Variants in NOS2 observed in about 807,000 individuals in gnomAD.
NOS2 encodes nitric oxide synthase, inducible.
NOS2 carries 96 observed loss-of-function variants against 136.0 expected under a neutral mutation model. The observed-to-expected ratio is 0.71, with a 90% CI of 0.60 to 0.84. NOS2 has a LOEUF of 0.84. NOS2 is among the 40% of genes least tolerant of loss of function. NOS2 has a pLI of 0.00. For missense variants in NOS2, 1,237 were observed against 1,496.9 expected, an observed-to-expected ratio of 0.83 and a Z score of 2.87; for synonymous variants, 539 against 587.5, an observed-to-expected ratio of 0.92 and a Z score of 1.20.
At chr17:27,780,704 T>A (rs534896152) in intron 9 of NOS2, 63 bp downstream of exon 9, 1 of 1,611,358 alleles carries the variant, frequency 6.2e-7, no homozygotes. Context: ...GGAGCCGCAC[T>A]TAGGAAAGGA....
At position 27,781,014 on chromosome 17, in the gene NOS2, T is replaced by C. The variant is rs2297520; in HGVS notation, c.864+22A>G. 0.61 allele frequency: 986,652 copies of C among 1,608,076 alleles called. 306,360 individuals are homozygous for C. The highest frequency in any genetic ancestry group is 0.81 in the African/African-American group (60,694 of 74,972). ...CGGGGCTCCCCGCCCCAATGGCCGGTGGCTGAGGCTGGGCCGGGTACCTGA... is the reference window on the plus strand; with the variant it reads ...CGGGGCTCCCCGCCCCAATGGCCGGCGGCTGAGGCTGGGCCGGGTACCTGA... On this transcript the variant is annotated intron_variant, in intron 8 of 26. Coordinates refer to ENST00000313735, the MANE Select transcript of NOS2 (RefSeq NM_000625.4).
intron 9 of NOS2, among the ~76,000 whole-genome samples, chr17:27,780,279 A>C (rs545660270): frequency 6.6e-6 from 1 of 152,386 alleles, no homozygotes; most frequent in East Asian, 1.9e-4. Context: ...AGAAGAGCCC[A>C]GCCCAATGTC....
At chr17:27,781,386 C>T (rs573749933) in intron 7 of NOS2, among the ~76,000 whole-genome samples, 23 of 152,314 alleles carry the variant, frequency 1.5e-4, no homozygotes, top group African/African-American at 5.3e-4. Context: ...ATCCATCAGG[C>T]AGGGTTAGCT....
At chr17:27,761,310 G>A (rs553421649) in intron 22 of NOS2, 79 bp from the exon 23 acceptor site, 5 of 997,644 alleles carry the variant, frequency 5.0e-6, no homozygotes, top group African/African-American at 4.3e-5. Context: ...CCCACACCAC[G>A]GCCCTCCTTG....
intron 5 of NOS2, among the ~76,000 whole-genome samples, chr17:27,784,559 A>G (rs1908960451): frequency 6.6e-6 from 1 of 152,220 alleles, no homozygotes; most frequent in South Asian, 2.1e-4. Flanking sequence ...GTGCATATGC[A>G]AGAAAGGATT....
chr17:27,790,231 C>A (rs1909148223), intron 2 of NOS2, among the ~76,000 whole-genome samples: 1 of 152,180 alleles, frequency 6.6e-6, no homozygotes, highest in Non-Finnish European at 1.5e-5. Context: ...GTAGCTGGGA[C>A]TACAGGCGCA....
chr17:27,758,671 C>T (rs1280804468), intron 26 of NOS2, among the ~76,000 whole-genome samples: 6 of 152,166 alleles, frequency 3.9e-5, no homozygotes, highest in East Asian at 1.9e-4. Context: ...CACATTCACC[C>T]GACTTCTCAA....
intron 11 of NOS2, among the ~76,000 whole-genome samples, chr17:27,775,608 A>C (rs1030332225): frequency 6.6e-6 from 1 of 152,130 alleles, no homozygotes; most frequent in Non-Finnish European, 1.5e-5. Context: ...TCTTAAAAAA[A>C]ACAAAAACAA....
chr17:27,779,391 T>C (rs1429844165), intron 9 of NOS2, among the ~76,000 whole-genome samples: 1 of 151,770 alleles, frequency 6.6e-6, no homozygotes, highest in Non-Finnish European at 1.5e-5. Flanking sequence ...GTAATCCTCC[T>C]GCCTCAGCCT....
chr17:27,773,040 C>CA (rs1179575347), intron 13 of NOS2, 121 bp downstream of exon 13: 6 of 856,484 alleles, frequency 7.0e-6, no homozygotes, highest in Non-Finnish European at 1.2e-5. Context: ...GTCTCAAAAA[C>CA]AAAAGCAAAA....
intron 18 of NOS2, 22 bp downstream of exon 18, chr17:27,767,683 T>C (rs758606409): frequency 1.9e-6 from 3 of 1,612,264 alleles, no homozygotes; most frequent in Non-Finnish European, 2.5e-6. Context: ...ACAAGCCCCA[T>C]GTGCTGCAGA....
intron 14 of NOS2, among the ~76,000 whole-genome samples, chr17:27,771,879 A>G (rs28999408): frequency 0.019 from 2,851 of 152,312 alleles, 90 homozygotes; most frequent in African/African-American, 0.064. Flanking sequence ...ACCATTCCCT[A>G]AGAGTTGGAT....
At chr17:27,781,001 C>T (rs1020969006) in intron 8 of NOS2, 35 bp downstream of exon 8, 1 of 1,606,720 alleles carries the variant, frequency 6.2e-7, no homozygotes. Flanking sequence ...GGGCTCCCCG[C>T]CCCAATGGCC....
chr17:27,779,085 G>A, intron 9 of NOS2, 29 bp from the exon 10 acceptor site: 1 of 1,384,992 alleles, frequency 7.2e-7, no homozygotes, highest in South Asian at 2.1e-5. Flanking sequence ...CAATTTAACT[G>A]GGGCCTTCCT....
Position 27,772,331 on chromosome 17 carries a change from A to AT in NOS2, c.1680dup (p.Phe561IlefsTer14). 6.2e-7 allele frequency: 1 copy of AT among 1,614,162 alleles called. No homozygotes were observed. Among genetic ancestry groups the AT allele is most frequent in the Non-Finnish European group, 8.5e-7 (1 of 1,180,032 alleles). On this transcript the variant is annotated frameshift_variant, in exon 14 of 27. Coordinates refer to ENST00000313735, the MANE Select transcript of NOS2 (RefSeq NM_000625.4). LOFTEE classifies it high-confidence loss of function. ...ACCTTGGGGTTGAAGGCACAGCTGA[A>AT]TAAGGCCCCCAGGTCCCAGGCCAGC... is the stretch of plus-strand genomic sequence containing the variant.
At position 27,756,860 on chromosome 17, in the gene NOS2, GTT is replaced by G. The variant is rs1907940883; in HGVS notation, c.*384_*385del. ...GCCATGGGGAACAGACTGGGTGTTAGTTTTTTAAATACAGAGGCATAAATAAC... is the reference window on the plus strand; with the variant it reads ...GCCATGGGGAACAGACTGGGTGTTAGTTTTAAATACAGAGGCATAAATAAC... On this transcript the variant is annotated 3_prime_UTR_variant, in exon 27 of 27. Coordinates refer to ENST00000313735, the MANE Select transcript of NOS2 (RefSeq NM_000625.4). The G allele has an allele frequency of 5.3e-6, 1 of 188,692 alleles. No individual in the cohort carries two copies. The highest frequency in any genetic ancestry group is 1.1e-5 in the Non-Finnish European group (1 of 92,920). The allele number at this position is 188,692 out of a possible 1,614,324, so 11.7% of individuals were successfully genotyped here. A position where few individuals can be genotyped will look rare whatever the true frequency, so the allele number is the denominator to read the frequency against.
chr17:27,763,165 A>AT (rs1455983561), intron 21 of NOS2, among the ~76,000 whole-genome samples, 160 bp from the exon 22 acceptor site: 4 of 152,214 alleles, frequency 2.6e-5, no homozygotes, highest in African/African-American at 9.7e-5. Flanking sequence ...TTGAGACAAA[A>AT]TAAGTGCCTG....
At chr17:27,765,896 G>A (rs1908285729) in intron 19 of NOS2, among the ~76,000 whole-genome samples, 180 bp from the exon 20 acceptor site, 1 of 152,194 alleles carries the variant, frequency 6.6e-6, no homozygotes, top group Non-Finnish European at 1.5e-5. Context: ...TGCTTAAGAG[G>A]GCCCCAGGAG....
intron 11 of NOS2, 26 bp from the exon 12 acceptor site, chr17:27,774,477 T>C (rs1908600546): frequency 7.0e-7 from 1 of 1,431,582 alleles, no homozygotes; most frequent in Non-Finnish European, 9.2e-7. Flanking sequence ...AGATAGGGAG[T>C]GGAGATAAGG....
Sources: allele counts gnomAD v4.1 joint callset (sites outside exome capture counted in the v4.1 genomes callset), GRCh38; gene constraint gnomAD v4.1.1; transcripts MANE v1.5; gene names NCBI Gene and HGNC (gene_info 2026-07-23, HGNC 2026-07-21).